Variants in ROBO2 observed in about 807,000 individuals in gnomAD.
ROBO2 encodes the protein roundabout guidance receptor 2.
ROBO2 carries 53 observed loss-of-function variants against 160.8 expected under a neutral mutation model. The ratio of observed to expected loss-of-function variants is 0.33; its 90% CI spans 0.26 to 0.41. The LOEUF is 0.41. Ranked by LOEUF, ROBO2 falls within the 10% of genes least tolerant of loss-of-function variation. The pLI, the probability that ROBO2 is intolerant of heterozygous loss-of-function variation, is 1.00. For synonymous variants in ROBO2, 664 were observed against 611.7 expected (o/e 1.09, Z -1.26); for missense variants, 1,577 against 1,722.4 (o/e 0.92, Z 1.49).
intron 2 of ROBO2, among the ~76,000 whole-genome samples, chr3:76,531,603 T>G (rs1031038607): frequency 6.6e-6 from 1 of 150,768 alleles, no homozygotes; most frequent in Non-Finnish European, 1.5e-5. Context: ...TTTTGTTTTG[T>G]TTTGTTTGTA....
intron 2 of ROBO2, among the ~76,000 whole-genome samples, chr3:76,719,350 T>C (rs1348052249): frequency 6.6e-6 from 1 of 152,074 alleles, no homozygotes; most frequent in Admixed American, 6.6e-5. Context: ...TTTTAAAGTG[T>C]TAGTTAAATA....
intron 2 of ROBO2, among the ~76,000 whole-genome samples, chr3:76,807,346 G>A (rs995044094): frequency 2.0e-5 from 3 of 151,820 alleles, no homozygotes; most frequent in Admixed American, 1.3e-4. Context: ...TACTGTGTTC[G>A]CCCCTGAAAT....
At chr3:76,149,530 C>CATA (rs2072062996) in intron 2 of ROBO2, among the ~76,000 whole-genome samples, 1 of 149,422 alleles carries the variant, frequency 6.7e-6, no homozygotes, top group Non-Finnish European at 1.5e-5. Context: ...AAACACACAT[C>CATA]TGTCTAAAGC....
chr3:76,002,697 C>G (rs2065921587), intron 2 of ROBO2, among the ~76,000 whole-genome samples: 1 of 152,126 alleles, frequency 6.6e-6, no homozygotes, highest in Non-Finnish European at 1.5e-5. Context: ...TCCAGTATGT[C>G]TTTATGAGCA....
intron 5 of ROBO2, among the ~76,000 whole-genome samples, chr3:77,494,769 T>G (rs2086580602): frequency 8.4e-6 from 1 of 119,642 alleles, no homozygotes; most frequent in Admixed American, 7.8e-5. Context: ...TTGGATACTT[T>G]ACTTCAAAAG....
chr3:76,112,944 A>G (rs57644736), intron 2 of ROBO2, among the ~76,000 whole-genome samples: 2,962 of 152,186 alleles, frequency 0.019, 95 homozygotes, highest in African/African-American at 0.066. Flanking sequence ...TAAATTTTCA[A>G]TAGGCAGTGA....
At chr3:76,169,322 G>C (rs1559609051) in intron 2 of ROBO2, among the ~76,000 whole-genome samples, 1 of 152,216 alleles carries the variant, frequency 6.6e-6, no homozygotes, top group East Asian at 1.9e-4. Context: ...ATGAAAATTG[G>C]CAGATGAATT....
At chr3:77,358,526 C>T (rs1291810027) in intron 2 of ROBO2, among the ~76,000 whole-genome samples, 1 of 152,166 alleles carries the variant, frequency 6.6e-6, no homozygotes, top group African/African-American at 2.4e-5. Flanking sequence ...AGGAAAAACA[C>T]AATAAGGCAA....
chr3:75,964,056 T>C (rs1293835542), intron 2 of ROBO2, among the ~76,000 whole-genome samples: 1 of 151,746 alleles, frequency 6.6e-6, no homozygotes, highest in South Asian at 2.1e-4. Flanking sequence ...TAACACATGG[T>C]AAGTAACCAT....
chr3:77,116,080 A>G (rs1021147277), intron 2 of ROBO2, among the ~76,000 whole-genome samples: 3 of 152,210 alleles, frequency 2.0e-5, no homozygotes, highest in Non-Finnish European at 4.4e-5. Context: ...AAAGTAAGAC[A>G]CAGAGAACTT....
chr3:77,169,234 GT>G (rs1174057558), intron 2 of ROBO2, among the ~76,000 whole-genome samples: 2 of 152,152 alleles, frequency 1.3e-5, no homozygotes, highest in South Asian at 2.1e-4. Flanking sequence ...TTAACATTGT[GT>G]TAAAAACTTC....
At chr3:76,474,907 A>T (rs1283547410) in intron 2 of ROBO2, among the ~76,000 whole-genome samples, 1 of 152,080 alleles carries the variant, frequency 6.6e-6, no homozygotes, top group Non-Finnish European at 1.5e-5. Flanking sequence ...TAGAATCCAC[A>T]GGCTATGGGC....
chr3:76,089,669 A>C (rs2069149729), intron 2 of ROBO2, among the ~76,000 whole-genome samples: 1 of 152,128 alleles, frequency 6.6e-6, no homozygotes, highest in African/African-American at 2.4e-5. Context: ...GGAACAGAGA[A>C]CTTTTTCAAG....
intron 1 of ROBO2, among the ~76,000 whole-genome samples, chr3:75,924,967 C>T (rs1034202213): frequency 4.0e-5 from 6 of 151,574 alleles, no homozygotes; most frequent in African/African-American, 1.2e-4. Context: ...GGATTACAGG[C>T]GTGAGCCACC....
chr3:76,257,686 T>G (rs1445680798), intron 2 of ROBO2, among the ~76,000 whole-genome samples: 2 of 152,040 alleles, frequency 1.3e-5, no homozygotes, highest in Non-Finnish European at 2.9e-5. Context: ...TATAGTGTAT[T>G]TCATAGTGCA....
intron 2 of ROBO2, among the ~76,000 whole-genome samples, chr3:76,134,268 C>T (rs1050001366): frequency 6.6e-6 from 1 of 151,168 alleles, no homozygotes; most frequent in South Asian, 2.1e-4. Context: ...AGTGAAGATA[C>T]TTTTTTTTTC....
chr3:76,654,917 A>G (rs754702134), intron 2 of ROBO2, among the ~76,000 whole-genome samples: 2 of 146,598 alleles, frequency 1.4e-5, no homozygotes, highest in African/African-American at 2.5e-5. Flanking sequence ...GTGTGTGTAT[A>G]TATATATATA....
At chr3:77,571,534 G>A (rs752125500) in intron 13 of ROBO2, among the ~76,000 whole-genome samples, 1 of 152,082 alleles carries the variant, frequency 6.6e-6, no homozygotes, top group African/African-American at 2.4e-5. Flanking sequence ...AGTTTAAGAG[G>A]TTGAAGCCTA....
At chr3:77,229,525 G>A (rs1211063614) in intron 2 of ROBO2, among the ~76,000 whole-genome samples, 2 of 152,010 alleles carry the variant, frequency 1.3e-5, no homozygotes, top group African/African-American at 4.8e-5. Context: ...GCCAGGTGTG[G>A]TGGTGGGCTC....
Sources: allele counts gnomAD v4.1 joint callset (sites outside exome capture counted in the v4.1 genomes callset), GRCh38; gene constraint gnomAD v4.1.1; transcripts MANE v1.5; gene names NCBI Gene and HGNC (gene_info 2026-07-23, HGNC 2026-07-21).